LRRIQ3: variants seen among roughly 807,000 people sequenced by gnomAD.
LRRIQ3 encodes leucine-rich repeat and IQ domain-containing protein 3.
A neutral mutation model predicts 59.3 loss-of-function variants in LRRIQ3; 75 were observed. The observed-to-expected ratio is 1.26, with a 90% CI of 1.05 to 1.53. The LOEUF (loss-of-function observed/expected upper bound fraction) is 1.53, where lower values mean the gene tolerates loss of function less well. LRRIQ3 is among the 40% of genes most tolerant of loss of function. The pLI is 0.00. For synonymous variants in LRRIQ3, 250 were observed against 231.3 expected, an observed-to-expected ratio of 1.08 and a Z score of -0.73; for missense variants, 831 against 710.0, an observed-to-expected ratio of 1.17 and a Z score of -1.94.
chr1:74,104,154 G>A (rs924112896), intron 5 of LRRIQ3, among the ~76,000 whole-genome samples: 3 of 151,904 alleles, frequency 2.0e-5, no homozygotes, highest in African/African-American at 7.3e-5. Flanking sequence ...ATAAATTAAA[G>A]CAACAATGAG....
At chr1:74,045,267 T>C (rs145423202) in intron 6 of LRRIQ3, among the ~76,000 whole-genome samples, 1 of 152,162 alleles carries the variant, frequency 6.6e-6, no homozygotes, top group African/African-American at 2.4e-5. Flanking sequence ...TCCACCACTA[T>C]CAAGTCAGCT....
intron 4 of LRRIQ3, among the ~76,000 whole-genome samples, chr1:74,119,046 G>C (rs1156509014): frequency 1.3e-5 from 2 of 152,122 alleles, no homozygotes; most frequent in African/African-American, 4.8e-5. Flanking sequence ...GTTTGACCAA[G>C]TAACTGAGCA....
intron 6 of LRRIQ3, among the ~76,000 whole-genome samples, chr1:74,062,694 T>G (rs768879054): frequency 6.6e-6 from 1 of 151,990 alleles, no homozygotes; most frequent in African/African-American, 2.4e-5. Flanking sequence ...AGTAACATGG[T>G]TGGAGCTGTA....
At chr1:74,188,509 C>G (rs1012201978) in intron 1 of LRRIQ3, among the ~76,000 whole-genome samples, 8 of 152,160 alleles carry the variant, frequency 5.3e-5, no homozygotes, top group African/African-American at 1.9e-4. Flanking sequence ...ACACTTCTCT[C>G]TCAGTGTAAC....
chr1:74,070,607 T>C (rs1220810065), intron 6 of LRRIQ3, among the ~76,000 whole-genome samples: 4 of 151,942 alleles, frequency 2.6e-5, no homozygotes, highest in Non-Finnish European at 5.9e-5. Flanking sequence ...TAAACCTGCA[T>C]ATGTACCCCT....
At chr1:74,036,087 C>T (rs1331257087) in intron 7 of LRRIQ3, among the ~76,000 whole-genome samples, 2 of 152,102 alleles carry the variant, frequency 1.3e-5, no homozygotes, top group African/African-American at 4.8e-5. Flanking sequence ...AGTGAAGTAA[C>T]ACTCTGGTTT....
intron 3 of LRRIQ3, among the ~76,000 whole-genome samples, chr1:74,167,610 G>C (rs1196263719): frequency 2.0e-5 from 3 of 151,766 alleles, no homozygotes; most frequent in African/African-American, 4.8e-5. Flanking sequence ...CTTGGGGAAA[G>C]AAGTGGTTGG....
chr1:74,067,112 C>T (rs1654888266), intron 6 of LRRIQ3, among the ~76,000 whole-genome samples: 2 of 152,260 alleles, frequency 1.3e-5, no homozygotes, highest in Non-Finnish European at 2.9e-5. Flanking sequence ...ATTGAACACA[C>T]TCCTAAAAAA....
chr1:74,114,367 T>C (rs1001736492), intron 4 of LRRIQ3, among the ~76,000 whole-genome samples: 2 of 152,012 alleles, frequency 1.3e-5, no homozygotes, highest in Non-Finnish European at 2.9e-5. Flanking sequence ...TAATGCTATA[T>C]AGAAGTAATG....
chr1:74,135,462 A>T (rs1323587390), intron 4 of LRRIQ3, among the ~76,000 whole-genome samples: 2 of 151,958 alleles, frequency 1.3e-5, no homozygotes, highest in Non-Finnish European at 2.9e-5. Context: ...TCTCAATCAC[A>T]TGAAACATTC....
At chr1:74,172,763 T>A (rs1213813828) in intron 3 of LRRIQ3, among the ~76,000 whole-genome samples, 3 of 151,806 alleles carry the variant, frequency 2.0e-5, no homozygotes, top group Non-Finnish European at 4.4e-5. Flanking sequence ...AGTGCAAATA[T>A]ATTTATATTT....
At chr1:74,130,556 A>T (rs771263237) in intron 4 of LRRIQ3, among the ~76,000 whole-genome samples, 1 of 152,108 alleles carries the variant, frequency 6.6e-6, no homozygotes, top group Non-Finnish European at 1.5e-5. Flanking sequence ...TGATATGAAG[A>T]TAAAACCAAA....
chr1:74,045,752 C>G (rs369135874), intron 6 of LRRIQ3, among the ~76,000 whole-genome samples: 1 of 152,150 alleles, frequency 6.6e-6, no homozygotes, highest in African/African-American at 2.4e-5. Flanking sequence ...TGATAAGCAA[C>G]TTCAGCAAAG....
rs546054435 is a variant in LRRIQ3 at position 74,100,516 on chromosome 1, A to C, written c.867+8878T>G. Reference sequence around the variant, plus strand: ...TTTATAGATTCAATGCCATCCCCATAAAGCTACTAATGACTTTCTTCACAG... The same window carrying C: ...TTTATAGATTCAATGCCATCCCCATCAAGCTACTAATGACTTTCTTCACAG... On this transcript the variant is annotated intron_variant, in intron 5 of 7. Transcript: ENST00000354431. Among the ~76,000 whole-genome samples, 210 of 152,196 alleles carry C rather than the reference A, an allele frequency of 1.4e-3. 2 individuals carry two copies. Among genetic ancestry groups the C allele is most frequent in the Non-Finnish European group, 4.1e-4 (28 of 67,984 alleles).
intron 4 of LRRIQ3, among the ~76,000 whole-genome samples, chr1:74,134,549 T>C (rs1159430910): frequency 1.3e-5 from 2 of 151,930 alleles, no homozygotes; most frequent in African/African-American, 4.8e-5. Flanking sequence ...AAGCAATAAC[T>C]ATAACACTCT....
chr1:74,074,184 G>A (rs775897815), intron 6 of LRRIQ3, among the ~76,000 whole-genome samples: 1 of 152,082 alleles, frequency 6.6e-6, no homozygotes, highest in African/African-American at 2.4e-5. Context: ...TACCCCAAAT[G>A]AGGTTCTTGA....
Position 74,182,636 on chromosome 1 carries a change from T to C in LRRIQ3, c.475A>G (p.Ile159Val), listed in dbSNP as rs1185727340. 3 of 1,610,404 alleles carry C rather than the reference T, an allele frequency of 1.9e-6. No individual in the cohort carries two copies. The highest frequency in any genetic ancestry group is 2.7e-5 in the African/African-American group (2 of 74,938). The stretch of plus-strand genomic sequence containing the variant: ...TTCTGAATTATTTCTTCATCAGAAA[T>C]CACATGATGATCCAGCGCTTTGAGA... Reference protein sequence around the residue: ...WPLKALDHHVISDEEIIQNWH... With the variant: ...WPLKALDHHVVSDEEIIQNWH... Residue 159 changes from isoleucine (I) to valine (V), a missense_variant, in exon 3 of 8, where the codon ATT becomes GTT. By Grantham distance (29) the Ile-to-Val change is conservative (BLOSUM62 3). Transcript: ENST00000354431.
At chr1:74,099,817 C>A (rs1396379289) in intron 5 of LRRIQ3, among the ~76,000 whole-genome samples, 1 of 152,152 alleles carries the variant, frequency 6.6e-6, no homozygotes, top group South Asian at 2.1e-4. Context: ...ACATGATTAT[C>A]TCAATAGATG....
At chr1:74,179,507 T>C (rs1415315360) in intron 3 of LRRIQ3, among the ~76,000 whole-genome samples, 1 of 151,996 alleles carries the variant, frequency 6.6e-6, no homozygotes, top group Non-Finnish European at 1.5e-5. Context: ...GGCTCATTAT[T>C]TTTCTGTTTT....
Sources: allele counts gnomAD v4.1 joint callset (sites outside exome capture counted in the v4.1 genomes callset), GRCh38; gene constraint gnomAD v4.1.1; transcripts MANE v1.5; gene names NCBI Gene and HGNC (gene_info 2026-07-23, HGNC 2026-07-21).